Variants in GULP1 observed in about 807,000 individuals in gnomAD.
GULP1 encodes GULP PTB domain containing engulfment adaptor 1.
In GULP1, 19 loss-of-function variants were observed where a neutral mutation model predicts 40.9. That is an observed-to-expected ratio of 0.46 (90% CI 0.32 to 0.68). GULP1 has a LOEUF of 0.68. Among genes scored for constraint, GULP1 ranks in the 30% least tolerant of loss-of-function variants. GULP1 has a pLI of 0.03. For synonymous variants in GULP1, 119 were observed against 117.6 expected, an observed-to-expected ratio of 1.01 and a Z score of -0.08; for missense variants, 312 against 362.2, an observed-to-expected ratio of 0.86 and a Z score of 1.12.
chr2:188,577,200 C>G (rs1700331526), intron 9 of GULP1, among the ~76,000 whole-genome samples: 2 of 152,110 alleles, frequency 1.3e-5, no homozygotes, highest in African/African-American at 4.8e-5. Context: ...TCAATTAAAC[C>G]CAGTGTTAGA....
intron 1 of GULP1, among the ~76,000 whole-genome samples, chr2:188,358,657 A>G (rs2045687192): frequency 6.6e-6 from 1 of 152,188 alleles, no homozygotes; most frequent in Non-Finnish European, 1.5e-5. Context: ...TCTGATAAGT[A>G]TAAAGGACTA....
At chr2:188,496,896 C>T (rs1272648277) in intron 4 of GULP1, among the ~76,000 whole-genome samples, 1 of 151,912 alleles carries the variant, frequency 6.6e-6, no homozygotes, top group Non-Finnish European at 1.5e-5. Flanking sequence ...CCTCCCACTC[C>T]TTTATCTTCC....
intron 1 of GULP1, among the ~76,000 whole-genome samples, chr2:188,319,627 A>G (rs2106558960): frequency 6.6e-6 from 1 of 152,306 alleles, no homozygotes; most frequent in African/African-American, 2.4e-5. Flanking sequence ...CAGGTCATTC[A>G]TCAACAAGCC....
intron 1 of GULP1, among the ~76,000 whole-genome samples, chr2:188,319,623 A>G (rs990967421): frequency 8.5e-5 from 13 of 152,168 alleles, no homozygotes; most frequent in African/African-American, 3.1e-4. Flanking sequence ...AAGTCAGGTC[A>G]TTCATCAACA....
At chr2:188,555,543 T>C (rs1228021700) in intron 7 of GULP1, among the ~76,000 whole-genome samples, 1 of 152,198 alleles carries the variant, frequency 6.6e-6, no homozygotes, top group Non-Finnish European at 1.5e-5. Context: ...CCCATTCTCT[T>C]CTAGTCTGTA....
intron 2 of GULP1, among the ~76,000 whole-genome samples, chr2:188,429,770 G>A (rs933473554): frequency 5.3e-5 from 8 of 151,772 alleles, no homozygotes; most frequent in South Asian, 2.1e-4. Context: ...GTGCAGTGGC[G>A]CGATCTCTGC....
chr2:188,329,152 T>G (rs1458353054), intron 1 of GULP1, among the ~76,000 whole-genome samples: 1 of 151,994 alleles, frequency 6.6e-6, no homozygotes, highest in African/African-American at 2.4e-5. Flanking sequence ...CTCTTTTTTT[T>G]TTTGAGTTTC....
intron 4 of GULP1, among the ~76,000 whole-genome samples, chr2:188,483,698 T>C (rs1229887673): frequency 6.6e-6 from 1 of 152,154 alleles, no homozygotes; most frequent in African/African-American, 2.4e-5. Context: ...TTAAAATTAC[T>C]GTTTTAGTCA....
intron 2 of GULP1, among the ~76,000 whole-genome samples, chr2:188,436,343 C>T (rs1333490530): frequency 1.3e-5 from 2 of 152,010 alleles, no homozygotes; most frequent in African/African-American, 4.8e-5. Flanking sequence ...TGTATATTAA[C>T]ACAATTTAAT....
intron 4 of GULP1, among the ~76,000 whole-genome samples, chr2:188,511,575 G>C (rs2064546818): frequency 6.6e-6 from 1 of 152,126 alleles, no homozygotes; most frequent in Non-Finnish European, 1.5e-5. Flanking sequence ...AAAACTCGCT[G>C]CTTCTTAGTG....
In GULP1 at chr2:188,505,897, T is replaced by C. The variant is rs566004623; in HGVS notation, c.91-16859T>C. Among the ~76,000 whole-genome samples, 209 of 152,014 alleles carry C rather than the reference T, an allele frequency of 1.4e-3. 1 individual carries two copies. The highest frequency in any genetic ancestry group is 2.3e-3 in the Non-Finnish European group (153 of 67,892). On this transcript the variant is annotated intron_variant, in intron 4 of 11. Coordinates refer to ENST00000409830, the MANE Select transcript of GULP1 (RefSeq NM_016315.4). Reference sequence around the variant, plus strand: ...TTTATAGTCACTGAACAAACATGCCTCAGACTTACCTCTTTTTTACCTCAT... The same window carrying C: ...TTTATAGTCACTGAACAAACATGCCCCAGACTTACCTCTTTTTTACCTCAT...
chr2:188,396,828 A>C (rs1239271262), intron 2 of GULP1, among the ~76,000 whole-genome samples: 1 of 152,218 alleles, frequency 6.6e-6, no homozygotes, highest in Non-Finnish European at 1.5e-5. Flanking sequence ...CCTGTGAAGT[A>C]GGATGAGGAA....
chr2:188,436,179 A>G (rs1475625605), intron 2 of GULP1, among the ~76,000 whole-genome samples: 2 of 151,990 alleles, frequency 1.3e-5, no homozygotes, highest in Non-Finnish European at 2.9e-5. Context: ...AAATCCAACC[A>G]TCACAGCTTG....
At chr2:188,548,224 A>C (rs1692491308) in intron 7 of GULP1, among the ~76,000 whole-genome samples, 1 of 152,076 alleles carries the variant, frequency 6.6e-6, no homozygotes. Flanking sequence ...CTAAGTAGAA[A>C]ATTTTGAGTC....
At chr2:188,447,834 T>C (rs894378638) in intron 2 of GULP1, among the ~76,000 whole-genome samples, 1 of 152,190 alleles carries the variant, frequency 6.6e-6, no homozygotes, top group Non-Finnish European at 1.5e-5. Context: ...TTTTATTCCA[T>C]ACTCACAACC....
rs2033882143 is a variant in GULP1, at chr2:188,292,072, C to T, written c.-266C>T. On this transcript the variant is annotated 5_prime_UTR_variant, in exon 1 of 12. Transcript: ENST00000409830. The surrounding 1 kb of genome is among the most constrained non-coding windows in gnomAD (Gnocchi z 4.0). ...CCCTCTCGGCCTCGGAGACGGCGCC[C>T]CGGCCGTGCCGGAGTGGAGATCGCC... 1 of 152,310 alleles carries T rather than the reference C, an allele frequency of 6.6e-6. No homozygotes were observed. Among genetic ancestry groups the T allele is most frequent in the Non-Finnish European group, 1.5e-5 (1 of 68,126 alleles). 9.4% of individuals were successfully genotyped at this position (152,310 alleles called of 1,614,324 possible).
chr2:188,379,272 G>A (rs1020820180), intron 1 of GULP1, among the ~76,000 whole-genome samples: 3 of 152,026 alleles, frequency 2.0e-5, no homozygotes, highest in African/African-American at 4.8e-5. Flanking sequence ...TGTCTCATCC[G>A]CTATCGCTTT....
intron 7 of GULP1, among the ~76,000 whole-genome samples, chr2:188,565,653 C>A (rs1443100739): frequency 1.3e-5 from 2 of 151,920 alleles, no homozygotes; most frequent in Non-Finnish European, 2.9e-5. Flanking sequence ...TTAAACCTCC[C>A]ATGATTTAAC....
intron 1 of GULP1, among the ~76,000 whole-genome samples, chr2:188,349,624 A>T (rs79555137): frequency 6.6e-6 from 1 of 152,116 alleles, no homozygotes; most frequent in Non-Finnish European, 1.5e-5. Flanking sequence ...TATCAGATGT[A>T]TGATTTGCAA....
Sources: allele counts gnomAD v4.1 joint callset (sites outside exome capture counted in the v4.1 genomes callset), GRCh38; gene constraint gnomAD v4.1.1; non-coding constraint Gnocchi (gnomAD v3.1); transcripts MANE v1.5; gene names NCBI Gene and HGNC (gene_info 2026-07-23, HGNC 2026-07-21).